ZBTB40: variants seen among roughly 807,000 people sequenced by gnomAD.
ZBTB40 encodes zinc finger and BTB domain containing 40.
Under a neutral mutation model 117.5 loss-of-function variants are expected in ZBTB40, and 60 were observed. The ratio of observed to expected loss-of-function variants is 0.51; its 90% CI spans 0.41 to 0.63. ZBTB40 has a LOEUF of 0.63. ZBTB40 is among the 30% of genes least tolerant of loss of function. The pLI is 0.00. For missense variants in ZBTB40, 1,287 were observed against 1,498.5 expected (o/e 0.86, Z 2.33); for synonymous variants, 525 against 577.1 (o/e 0.91, Z 1.29).
In ZBTB40 at chr1:22,491,530, G is replaced by A. The variant is rs761654382; in HGVS notation, c.828G>A (p.Lys276=). 13 of 1,613,932 alleles carry A rather than the reference G, an allele frequency of 8.1e-6. No individual in the cohort carries two copies. The highest frequency in any genetic ancestry group is 1.1e-5 in the Non-Finnish European group (13 of 1,179,884). ...GTTCAGAAATTAAAGGTCCACAGAA[G>A]GAGGTAGGCACCTCTGACTTTTGTA... ...EMCSEIKGPQ[K]EMIVKCFEGE... is the part of the protein sequence containing the mutation. Residue 276 remains lysine, a synonymous_variant, in exon 3 of 18, where the codon AAG becomes AAA. Transcript: ENST00000375647.
rs953889034 is a variant in ZBTB40 at position 22,506,332 on chromosome 1, A to T, written c.1360+91A>T. ...CCTTTTGGCTCCATGCTGGGGAGAT[A>T]AGATTATGTTAAGAAATGTCATTGC... On this transcript the variant is annotated intron_variant, in intron 6 of 17. Transcript: ENST00000375647. 33 of 1,277,790 alleles carry T rather than the reference A, an allele frequency of 2.6e-5. No homozygotes were observed. The African/African-American group carries it at 4.6e-4, about 18-fold the overall frequency. The allele number at this position is 1,277,790 out of a possible 1,614,324, so 79.2% of individuals were successfully genotyped here. A position where few individuals can be genotyped will look rare whatever the true frequency, so the allele number is the denominator to read the frequency against.
At chr1:22,518,592 G>A (rs1639437485) in intron 13 of ZBTB40, among the ~76,000 whole-genome samples, 2 of 152,100 alleles carry the variant, frequency 1.3e-5, no homozygotes, top group Non-Finnish European at 2.9e-5. Context: ...GGCAGATACA[G>A]TGTCTCACAA....
intron 1 of ZBTB40, among the ~76,000 whole-genome samples, chr1:22,470,882 G>A (rs1641387695): frequency 6.6e-6 from 1 of 152,160 alleles, no homozygotes; most frequent in Admixed American, 6.5e-5. Flanking sequence ...CTAAATGTTG[G>A]TTGCATACAC....
chr1:22,444,909 T>G (rs1448610817), intron 1 of ZBTB40, among the ~76,000 whole-genome samples: 1 of 152,196 alleles, frequency 6.6e-6, no homozygotes, highest in Non-Finnish European at 1.5e-5. Context: ...ACTCCAGCTC[T>G]AAAACTTGCC....
At chr1:22,467,906 C>T (rs1183433337) in intron 1 of ZBTB40, among the ~76,000 whole-genome samples, 2 of 151,170 alleles carry the variant, frequency 1.3e-5, no homozygotes, top group Non-Finnish European at 2.9e-5. Flanking sequence ...GCAGCCTGGG[C>T]AACATAGGGA....
At chr1:22,507,872 C>T (rs888887482) in intron 6 of ZBTB40, 129 bp from the exon 7 acceptor site, 107 of 1,369,894 alleles carry the variant, frequency 7.8e-5, no homozygotes, top group Non-Finnish European at 1.0e-4. Context: ...GGCCCCAAGC[C>T]AGGGCTCTGC....
At position 22,528,672 on chromosome 1, in the gene ZBTB40, G is replaced by T. The variant is rs945642252; in HGVS notation, c.*2276G>T. On this transcript the variant is annotated 3_prime_UTR_variant, in exon 18 of 18. Transcript: ENST00000375647. Reference sequence around the variant, plus strand: ...TTCCCAAGTAGCTGGGACCACAGGCGTGAGCCACCACTGCTGGCCAGTTTT... The same window carrying T: ...TTCCCAAGTAGCTGGGACCACAGGCTTGAGCCACCACTGCTGGCCAGTTTT... 1 of 151,368 alleles carries T rather than the reference G, an allele frequency of 6.6e-6. No homozygotes were observed. The highest frequency in any genetic ancestry group is 2.4e-5 in the African/African-American group (1 of 41,158). 9.4% of individuals were successfully genotyped at this position (151,368 alleles called of 1,614,324 possible).
In ZBTB40 at chr1:22,431,384, G is replaced by GTGTGTATA. The variant is rs1222294324; in HGVS notation, c.-70+2371_-70+2372insGTGTATAT. ...ATTTTGTGTGTGTGTGTGTGTGTGT[G>GTGTGTATA]TATATATATATATATATATATATAT... On this transcript the variant is annotated intron_variant, in intron 1 of 8. Coordinates refer to the ZBTB40 transcript ENST00000650433. Among the ~76,000 whole-genome samples the GTGTGTATA allele has an allele frequency of 1.5e-3, 181 of 119,664 alleles. 1 individual carries two copies. The highest frequency in any genetic ancestry group is 3.4e-3 in the Admixed American group (35 of 10,156). 78.5% of individuals were successfully genotyped at this position (119,664 alleles called of 152,430 possible).
In ZBTB40 at chr1:22,500,035, A is replaced by T. The variant is rs559524743; in HGVS notation, c.832-1457A>T. Among the ~76,000 whole-genome samples the T allele has an allele frequency of 3.3e-5, 5 of 152,368 alleles. No individual in the cohort carries two copies. In the South Asian group the frequency reaches 1.0e-3, roughly 32 times the overall value. The stretch of plus-strand genomic sequence containing the variant: ...CTTGACACTAAAAAACATCAAAGGT[A>T]GATTGTAGTTTTGTCAAGTAGAAAC... On this transcript the variant is annotated intron_variant, in intron 3 of 17. Transcript: ENST00000375647.
Position 22,517,174 on chromosome 1 carries a change from T to C in ZBTB40, c.2669-126T>C, listed in dbSNP as rs1255406533. On this transcript the variant is annotated intron_variant, in intron 12 of 17. Transcript: ENST00000375647. ...AGATCTCACCCAGCGTATTGCAGAC[T>C]GCCTGATGTTTTAATGTCATCTACC... The C allele has an allele frequency of 3.7e-6, 5 of 1,350,396 alleles. No individual in the cohort carries two copies. In the African/African-American group the frequency reaches 7.1e-5, roughly 19 times the overall value. 83.7% of individuals were successfully genotyped at this position (1,350,396 alleles called of 1,614,324 possible).
intron 16 of ZBTB40, 90 bp downstream of exon 16, chr1:22,522,553 G>A (rs982369937): frequency 8.0e-6 from 10 of 1,257,482 alleles, no homozygotes; most frequent in African/African-American, 2.9e-5. Context: ...AGGCTAAATC[G>A]CTTAACAAAC....
intron 1 of ZBTB40, among the ~76,000 whole-genome samples, chr1:22,469,579 C>T (rs568180236): frequency 3.6e-4 from 55 of 151,936 alleles, no homozygotes; most frequent in Middle Eastern, 6.8e-3. Context: ...TTTTATGAGA[C>T]GGAGTCTTAC....
At chr1:22,503,965 C>A (rs898321306) in intron 5 of ZBTB40, among the ~76,000 whole-genome samples, 1 of 152,224 alleles carries the variant, frequency 6.6e-6, no homozygotes, top group Non-Finnish European at 1.5e-5. Context: ...TCATTCTCTG[C>A]AGCAAGATAG....
chr1:22,517,714 C>G (rs1238398265), intron 13 of ZBTB40: 1 of 487,960 alleles, frequency 2.0e-6, no homozygotes, highest in Non-Finnish European at 3.6e-6. Context: ...CCACCTGGCA[C>G]CATTTGTCCA....
rs773206701 is a variant in ZBTB40, at chr1:22,526,241, G to A, written c.3565G>A (p.Val1189Met). 7 of 1,614,182 alleles carry A rather than the reference G, an allele frequency of 4.3e-6. No homozygotes were observed. The highest frequency in any genetic ancestry group is 5.9e-6 in the Non-Finnish European group (7 of 1,180,032). Reference sequence around the variant, plus strand: ...AGAGCCGGTGGCCCCGACAGAGCAGGTGATCACTTTGGAGGAGACCCAGCT... The same window carrying A: ...AGAGCCGGTGGCCCCGACAGAGCAGATGATCACTTTGGAGGAGACCCAGCT... ...TPEPVAPTEQ[V>M]ITLEETQLAG... The change falls in exon 18 of 18, where the codon GTG (valine) becomes ATG (methionine). Residue 1189 changes from valine to methionine, a missense_variant. This residue lies in a region of ZBTB40 where 417 missense variants were observed against 564.1 expected (regional missense o/e 0.74). Coordinates refer to ENST00000375647, the MANE Select transcript of ZBTB40 (RefSeq NM_014870.4).
At chr1:22,450,290 C>G (rs968346924), upstream of ZBTB40, among the ~76,000 whole-genome samples, 1 of 152,216 alleles carries the variant, frequency 6.6e-6, no homozygotes, top group African/African-American at 2.4e-5. Flanking sequence ...ATGTGCCAAG[C>G]ACCCTTCTAG....
At chr1:22,468,322 T>A (rs1417453251) in intron 1 of ZBTB40, among the ~76,000 whole-genome samples, 1 of 152,128 alleles carries the variant, frequency 6.6e-6, no homozygotes, top group Non-Finnish European at 1.5e-5. Flanking sequence ...TTAAATACTG[T>A]CACTGAAAAA....
At chr1:22,476,609 G>A (rs1005797428) in intron 1 of ZBTB40, among the ~76,000 whole-genome samples, 10 of 152,208 alleles carry the variant, frequency 6.6e-5, no homozygotes, top group Non-Finnish European at 1.2e-4. Flanking sequence ...AGCTGGCCTA[G>A]TTTCTACTTT....
At chr1:22,489,124 T>A (rs1396339170) in intron 1 of ZBTB40, among the ~76,000 whole-genome samples, 4 of 152,088 alleles carry the variant, frequency 2.6e-5, no homozygotes, top group African/African-American at 9.7e-5. Flanking sequence ...CAGTTGGAGA[T>A]GTTGAATAGG....
Sources: allele counts gnomAD v4.1 joint callset (sites outside exome capture counted in the v4.1 genomes callset), GRCh38; gene constraint gnomAD v4.1.1; regional missense constraint gnomAD v4.1.1; transcripts MANE v1.5; gene names NCBI Gene and HGNC (gene_info 2026-07-23, HGNC 2026-07-21).